MGMT: variants seen among roughly 807,000 people sequenced by gnomAD.
MGMT encodes the protein O-6-methylguanine-DNA methyltransferase.
A neutral mutation model predicts 15.9 loss-of-function variants in MGMT; 14 were observed. That is an observed-to-expected ratio of 0.88 (90% CI 0.58 to 1.37). The LOEUF (loss-of-function observed/expected upper bound fraction) is 1.37, where lower values mean the gene tolerates loss of function less well. Among genes scored for constraint, MGMT ranks in the 40% most tolerant of loss-of-function variants. The pLI, the probability that MGMT is intolerant of heterozygous loss-of-function variation, is 0.00. For synonymous variants in MGMT, 130 were observed against 118.2 expected (o/e 1.10, Z -0.65); for missense variants, 282 against 268.1 (o/e 1.05, Z -0.36).
At chr10:129,479,200 A>T (rs1411324000) in intron 1 of MGMT, among the ~76,000 whole-genome samples, 2 of 152,172 alleles carry the variant, frequency 1.3e-5, no homozygotes, top group African/African-American at 4.8e-5. Context: ...TAGTGTTAAC[A>T]TCTCCTGCCA....
chr10:129,678,389 C>A (rs1847809692), intron 2 of MGMT, among the ~76,000 whole-genome samples: 1 of 151,722 alleles, frequency 6.6e-6, no homozygotes, highest in East Asian at 2.0e-4. Flanking sequence ...GAACAAGTGC[C>A]CGATGCTGTT....
chr10:129,520,453 G>A, intron 1 of MGMT, among the ~76,000 whole-genome samples: 1 of 152,072 alleles, frequency 6.6e-6, no homozygotes, highest in Non-Finnish European at 1.5e-5. Flanking sequence ...TGCGAGTACA[G>A]AGCCCCTGTG....
chr10:129,480,791 A>G (rs1467722155), intron 1 of MGMT, among the ~76,000 whole-genome samples: 3 of 152,250 alleles, frequency 2.0e-5, no homozygotes, highest in Non-Finnish European at 2.9e-5. Flanking sequence ...TTACAGGTAC[A>G]GACTATTCAT....
chr10:129,576,666 G>A (rs1457903871), intron 2 of MGMT, among the ~76,000 whole-genome samples: 1 of 152,202 alleles, frequency 6.6e-6, no homozygotes, highest in Admixed American at 6.5e-5. Context: ...ATTCAACATA[G>A]TGTTGGAAGT....
chr10:129,716,937 A>G (rs1848305840), intron 3 of MGMT, among the ~76,000 whole-genome samples: 1 of 152,234 alleles, frequency 6.6e-6, no homozygotes, highest in Non-Finnish European at 1.5e-5. Flanking sequence ...TCAACTGAGC[A>G]TATTTTACTA....
intron 2 of MGMT, among the ~76,000 whole-genome samples, chr10:129,546,625 A>G (rs1275718494): frequency 6.6e-6 from 1 of 152,172 alleles, no homozygotes; most frequent in East Asian, 1.9e-4. Context: ...GAAGGACCAG[A>G]GAGAGAATGG....
chr10:129,541,850 C>T lies in MGMT; in HGVS notation c.125+5473C>T, dbSNP rs953657117. ...TGTCTTCATGGTAGGGATCCATTTACAGGGTTTGTGGGTCTGCTTTTGGCA... is the reference window on the plus strand; with the variant it reads ...TGTCTTCATGGTAGGGATCCATTTATAGGGTTTGTGGGTCTGCTTTTGGCA... On this transcript the variant is annotated intron_variant, in intron 2 of 4. Coordinates refer to ENST00000651593, the MANE Select transcript of MGMT (RefSeq NM_002412.5). 7.2e-5 allele frequency among the ~76,000 whole-genome samples: 11 copies of T among 152,156 alleles called. 1 individual carries two copies. The South Asian group carries it at 8.3e-4, about 11-fold the overall frequency.
chr10:129,744,438 A>T (rs912009803), intron 3 of MGMT, among the ~76,000 whole-genome samples: 5 of 152,220 alleles, frequency 3.3e-5, no homozygotes, highest in African/African-American at 1.2e-4. Flanking sequence ...CACAAGCCAG[A>T]TGTCAGGGGC....
chr10:129,691,841 A>G (rs1847972954), intron 2 of MGMT, among the ~76,000 whole-genome samples: 1 of 152,158 alleles, frequency 6.6e-6, no homozygotes, highest in Non-Finnish European at 1.5e-5. Context: ...CCTGGTTGAA[A>G]GTGTTAGAAG....
chr10:129,693,631 G>A (rs963901350), intron 2 of MGMT: 5 of 152,480 alleles, frequency 3.3e-5, no homozygotes, highest in African/African-American at 1.2e-4. Context: ...AGAGACCGGT[G>A]CGGTGGCTCA....
intron 2 of MGMT, among the ~76,000 whole-genome samples, chr10:129,691,987 A>G (rs1589939776): frequency 6.6e-6 from 1 of 152,158 alleles, no homozygotes; most frequent in Admixed American, 6.5e-5. Flanking sequence ...TGGAATCCAG[A>G]TACTCACCTC....
At chr10:129,599,110 C>G (rs998416974) in intron 2 of MGMT, among the ~76,000 whole-genome samples, 1 of 152,182 alleles carries the variant, frequency 6.6e-6, no homozygotes, top group Non-Finnish European at 1.5e-5. Context: ...CCAGAGTAGG[C>G]TCAGATGGAC....
intron 2 of MGMT, among the ~76,000 whole-genome samples, chr10:129,572,462 C>G (rs980136650): frequency 6.6e-6 from 1 of 152,220 alleles, no homozygotes; most frequent in Non-Finnish European, 1.5e-5. Flanking sequence ...TCTTCCTGCT[C>G]TACTTACTTA....
intron 2 of MGMT, among the ~76,000 whole-genome samples, chr10:129,625,930 C>A (rs1451048653): frequency 3.3e-5 from 5 of 151,340 alleles, no homozygotes; most frequent in Admixed American, 2.0e-4. Context: ...TTTCAACTTA[C>A]CACCAATATT....
At chr10:129,527,500 C>A (rs60042126) in intron 1 of MGMT, among the ~76,000 whole-genome samples, 37,796 of 152,000 alleles carry the variant, frequency 0.25, 5,641 homozygotes, top group African/African-American at 0.42. Context: ...TCAGGGAAGG[C>A]GGGCCGGGAA....
At chr10:129,473,066 G>A (rs1280617919) in intron 1 of MGMT, among the ~76,000 whole-genome samples, 1 of 152,194 alleles carries the variant, frequency 6.6e-6, no homozygotes, top group Non-Finnish European at 1.5e-5. Context: ...GATAGCCCGA[G>A]ACACTGGGAG....
chr10:129,742,895 G>A (rs1355461223), intron 3 of MGMT, among the ~76,000 whole-genome samples: 1 of 151,990 alleles, frequency 6.6e-6, no homozygotes, highest in African/African-American at 2.4e-5. Flanking sequence ...CAGGGCCGGG[G>A]CATTCAGCAC....
chr10:129,678,853 C>G (rs1847815646), intron 2 of MGMT, among the ~76,000 whole-genome samples: 1 of 152,086 alleles, frequency 6.6e-6, no homozygotes, highest in African/African-American at 2.4e-5. Flanking sequence ...GGGTAGATCA[C>G]TTGAAGTCGG....
intron 2 of MGMT, among the ~76,000 whole-genome samples, chr10:129,667,324 G>A (rs997235886): frequency 1.5e-4 from 23 of 152,150 alleles, no homozygotes; most frequent in African/African-American, 4.8e-4. Flanking sequence ...CCTTCAACAC[G>A]ATACTGTTGT....
Sources: gnomAD v4.1 joint callset for allele counts (sites outside exome capture counted in the v4.1 genomes callset) on GRCh38, gnomAD v4.1.1 for gene constraint, MANE v1.5 for transcripts, NCBI Gene and HGNC (gene_info 2026-07-23, HGNC 2026-07-21) for gene names.